CENPN: variants seen among roughly 807,000 people sequenced by gnomAD.
The protein encoded by CENPN is interphase centromere complex protein 32.
CENPN carries 36 observed loss-of-function variants against 48.6 expected under a neutral mutation model. The ratio of observed to expected loss-of-function variants is 0.74; its 90% CI spans 0.57 to 0.98. The LOEUF (loss-of-function observed/expected upper bound fraction) is 0.98, where lower values mean the gene tolerates loss of function less well. Among genes scored for constraint, CENPN ranks in the 50% least tolerant of loss-of-function variants. The probability of loss-of-function intolerance (pLI) is 0.00; values close to 1 mark genes in which losing one functional copy is unlikely to be tolerated. For missense variants in CENPN, 439 were observed against 399.2 expected (o/e 1.10, Z -0.85); for synonymous variants, 166 against 135.2 (o/e 1.23, Z -1.58).
chr16:81,010,955 C>G (rs897793870), intron 1 of CENPN, among the ~76,000 whole-genome samples: 49 of 152,282 alleles, frequency 3.2e-4, no homozygotes, highest in African/African-American at 1.1e-3. Flanking sequence ...CGAGATTGAT[C>G]CTGGTAGAAA....
intron 3 of CENPN, 133 bp downstream of exon 3, chr16:81,014,314 G>C: frequency 1.5e-6 from 1 of 684,064 alleles, no homozygotes; most frequent in Non-Finnish European, 2.6e-6. Flanking sequence ...AGCTCACCGC[G>C]ACCTCTGCCT....
intron 1 of CENPN, among the ~76,000 whole-genome samples, chr16:81,009,679 T>C (rs565859408): frequency 6.2e-4 from 95 of 152,380 alleles, no homozygotes; most frequent in South Asian, 5.8e-3. Context: ...ACTATTTCTT[T>C]TCAGAAGTGG....
rs1258547933 is a variant in CENPN, at chr16:81,029,867, A to G, written c.*1216A>G. On this transcript the variant is annotated 3_prime_UTR_variant, in exon 11 of 11. Transcript: ENST00000305850. ...TGGGATTATAGGAGTGTATTAGTCT[A>G]TTCTCATGCTGCTAATAAAGATACC... Among the ~76,000 whole-genome samples, 1 of 152,174 alleles carries G rather than the reference A, an allele frequency of 6.6e-6. No individual in the cohort carries two copies. The highest frequency in any genetic ancestry group is 6.5e-5 in the Admixed American group (1 of 15,272).
chr16:81,018,211 C>G (rs1405710017), intron 5 of CENPN, among the ~76,000 whole-genome samples: 1 of 151,112 alleles, frequency 6.6e-6, no homozygotes, highest in Non-Finnish European at 1.5e-5. Context: ...GAGTCTTACT[C>G]TGTTGCCCAG....
intron 1 of CENPN, among the ~76,000 whole-genome samples, chr16:81,009,049 G>A (rs1969632818): frequency 6.6e-6 from 1 of 152,090 alleles, no homozygotes; most frequent in Non-Finnish European, 1.5e-5. Context: ...TTTACTAAAA[G>A]TAGAAAAATT....
At chr16:81,026,068 T>TGTGG (rs1198286256) in intron 8 of CENPN, among the ~76,000 whole-genome samples, 1 of 13,128 alleles carries the variant, frequency 7.6e-5, no homozygotes. Context: ...TATATATATA[T>TGTGG]ATGTGTGTGT....
chr16:81,032,618 G>A, downstream of CENPN: 1 of 1,613,546 alleles, frequency 6.2e-7, no homozygotes, highest in Non-Finnish European at 8.5e-7. Context: ...GGAAGCCACA[G>A]TCAAGGGACC....
rs1970704001 is a variant in CENPN, at chr16:81,030,095, T to C, written c.*1444T>C. 1.9e-6 allele frequency: 1 copy of C among 517,258 alleles called. No individual in the cohort carries two copies. Among genetic ancestry groups the C allele is most frequent in the Admixed American group, 6.4e-5 (1 of 15,682 alleles). The allele number at this position is 517,258 out of a possible 1,614,324, so 32.0% of individuals were successfully genotyped here. On this transcript the variant is annotated 3_prime_UTR_variant, in exon 11 of 11. Coordinates refer to ENST00000305850, the MANE Select transcript of CENPN (RefSeq NM_001100624.3). ...AACTTATTCACTACCATGAGAATAG[T>C]ATGGGGGAAATCGTTCCCATGACTC... is the stretch of plus-strand genomic sequence containing the variant.
At chr16:81,010,071 C>T (rs556816375) in intron 1 of CENPN, among the ~76,000 whole-genome samples, 3 of 152,208 alleles carry the variant, frequency 2.0e-5, no homozygotes, top group South Asian at 2.1e-4. Context: ...TGGTGGTGCA[C>T]GCCTGCAGTC....
chr16:81,032,554 GTT>G (rs35840091), downstream of CENPN: 496 of 1,272,826 alleles, frequency 3.9e-4, no homozygotes, highest in Admixed American at 1.1e-3. Flanking sequence ...GATTTTCAGT[GTT>G]TTTTTTTTTT....
chr16:81,021,903 C>G (rs9921348), intron 6 of CENPN, among the ~76,000 whole-genome samples: 21,389 of 152,086 alleles, frequency 0.14, 1,690 homozygotes, highest in Admixed American at 0.19. Flanking sequence ...TACAAGCACT[C>G]ACCACTATGC....
At chr16:81,017,711 C>A in intron 4 of CENPN, 47 bp from the exon 5 acceptor site, 1 of 1,280,078 alleles carries the variant, frequency 7.8e-7, no homozygotes, top group African/African-American at 1.5e-5. Flanking sequence ...TTACTGAAGA[C>A]ATTGTAGCTC....
Position 81,028,193 on chromosome 16 carries a change from G to C in CENPN, c.833G>C (p.Gly278Ala). The change falls in exon 10 of 11, where the codon GGT becomes GCT. Residue 278 changes from glycine (G) to alanine (A), a missense_variant. Coordinates refer to ENST00000305850, the MANE Select transcript of CENPN (RefSeq NM_001100624.3). Reference sequence around the variant, plus strand: ...CAGCTTGAAACGAAATTCAAAAGTGGTTTAAATGGGAGCATCTTGGCTGAG... The same window carrying C: ...CAGCTTGAAACGAAATTCAAAAGTGCTTTAAATGGGAGCATCTTGGCTGAG... The part of the protein sequence containing the change: ...QYKLETKFKS[G>A]LNGSILAERE... 1 of 1,612,432 alleles carries C rather than the reference G, an allele frequency of 6.2e-7. No individual in the cohort carries two copies. The highest frequency in any genetic ancestry group is 8.5e-7 in the Non-Finnish European group (1 of 1,178,492).
In CENPN at chr16:81,030,058, C is replaced by G. The variant is rs761646040; in HGVS notation, c.*1407C>G. Reference sequence around the variant, plus strand: ...GGGAAACTCCCATTTATAAAACCACCAGAGCTCATGAAACTTATTCACTAC... The same window carrying G: ...GGGAAACTCCCATTTATAAAACCACGAGAGCTCATGAAACTTATTCACTAC... On this transcript the variant is annotated 3_prime_UTR_variant, in exon 11 of 11. Coordinates refer to ENST00000305850, the MANE Select transcript of CENPN (RefSeq NM_001100624.3). The G allele has an allele frequency of 6.0e-5, 17 of 281,104 alleles. No homozygotes were observed. The highest frequency in any genetic ancestry group is 9.1e-5 in the Non-Finnish European group (17 of 186,432). The allele number at this position is 281,104 out of a possible 1,614,324, so 17.4% of individuals were successfully genotyped here.
At chr16:81,011,788 A>T in intron 1 of CENPN, 142 bp from the exon 2 acceptor site, 1 of 617,618 alleles carries the variant, frequency 1.6e-6, no homozygotes, top group Non-Finnish European at 2.7e-6. Flanking sequence ...GGATTGCTTG[A>T]GCCTAAGAGT....
chr16:81,027,067 G>A (rs1033014042), intron 9 of CENPN, among the ~76,000 whole-genome samples: 3 of 151,982 alleles, frequency 2.0e-5, no homozygotes, highest in Non-Finnish European at 4.4e-5. Flanking sequence ...CAAGGTGTTG[G>A]GATTACAGAC....
intron 5 of CENPN, among the ~76,000 whole-genome samples, chr16:81,018,406 T>G (rs1283888457): frequency 6.6e-6 from 1 of 152,106 alleles, no homozygotes; most frequent in Non-Finnish European, 1.5e-5. Context: ...ACTCCTAACC[T>G]CAGATGATCT....
intron 6 of CENPN, 42 bp from the exon 7 acceptor site, chr16:81,022,555 G>A: frequency 6.7e-7 from 1 of 1,486,162 alleles, no homozygotes; most frequent in Non-Finnish European, 9.4e-7. Context: ...TAAACACAGA[G>A]GCAGTAATCC....
At chr16:81,027,483 A>C (rs746114338) in intron 9 of CENPN, among the ~76,000 whole-genome samples, 1 of 152,222 alleles carries the variant, frequency 6.6e-6, no homozygotes, top group Non-Finnish European at 1.5e-5. Context: ...CTGTCTCAAA[A>C]AAGAAACAAA....
Sources: allele counts gnomAD v4.1 joint callset (sites outside exome capture counted in the v4.1 genomes callset), GRCh38; gene constraint gnomAD v4.1.1; transcripts MANE v1.5; gene names NCBI Gene and HGNC (gene_info 2026-07-23, HGNC 2026-07-21).